WDR27: variants seen among roughly 807,000 people sequenced by gnomAD.
WDR27 encodes the protein WD repeat domain 27.
Under a neutral mutation model 114.4 loss-of-function variants are expected in WDR27, and 100 were observed. That is an observed-to-expected ratio of 0.87 (90% CI 0.74 to 1.03). The LOEUF is 1.03. WDR27 is among the 50% of genes least tolerant of loss of function. WDR27 has a pLI of 0.00. For missense variants in WDR27, 1,129 were observed against 1,092.9 expected, an observed-to-expected ratio of 1.03 and a Z score of -0.47; for synonymous variants, 449 against 423.1, an observed-to-expected ratio of 1.06 and a Z score of -0.75.
intron 25 of WDR27, among the ~76,000 whole-genome samples, chr6:169,552,973 G>GGGGGGT (rs1472592601): frequency 3.2e-5 from 2 of 61,792 alleles, no homozygotes; most frequent in African/African-American, 1.3e-4. Context: ...GGGCCTGCCC[G>GGGGGGT]GTGTGTGTGT....
At chr6:169,548,902 A>G (rs1314562852) in intron 25 of WDR27, among the ~76,000 whole-genome samples, 2 of 152,348 alleles carry the variant, frequency 1.3e-5, no homozygotes, top group East Asian at 3.9e-4. Context: ...ACAAAAGTTA[A>G]CTCATAACTG....
intron 22 of WDR27, among the ~76,000 whole-genome samples, chr6:169,606,096 AAT>A (rs1411713392): frequency 3.3e-5 from 5 of 152,186 alleles, no homozygotes; most frequent in Non-Finnish European, 7.3e-5. Flanking sequence ...CAAAAATAAA[AAT>A]AGACAAATAT....
intron 25 of WDR27, among the ~76,000 whole-genome samples, chr6:169,547,403 G>A (rs1282836578): frequency 1.3e-5 from 2 of 152,154 alleles, no homozygotes; most frequent in Non-Finnish European, 2.9e-5. Context: ...TATTTCTCAT[G>A]TAGACAGATG....
At chr6:169,590,592 A>G (rs774372421) in intron 23 of WDR27, among the ~76,000 whole-genome samples, 3 of 152,260 alleles carry the variant, frequency 2.0e-5, no homozygotes, top group Non-Finnish European at 4.4e-5. Flanking sequence ...CACACCAGCC[A>G]TGGGAGGCGA....
At chr6:169,586,097 T>A (rs1804501993) in intron 23 of WDR27, among the ~76,000 whole-genome samples, 1 of 152,226 alleles carries the variant, frequency 6.6e-6, no homozygotes, top group South Asian at 2.1e-4. Flanking sequence ...TTCTTCCATG[T>A]CTTCTTCCTC....
At chr6:169,623,923 A>C (rs1208843522) in intron 21 of WDR27, among the ~76,000 whole-genome samples, 3 of 152,162 alleles carry the variant, frequency 2.0e-5, no homozygotes, top group Non-Finnish European at 4.4e-5. Context: ...AGCCTGAGCA[A>C]AAAGAAGGTA....
At chr6:169,488,316 G>A (rs1005439404) in intron 25 of WDR27, among the ~76,000 whole-genome samples, 2 of 152,294 alleles carry the variant, frequency 1.3e-5, no homozygotes, top group Middle Eastern at 3.4e-3. Context: ...AGATCTCCAT[G>A]GTGGAAGAGG....
At chr6:169,661,834 G>A (rs1006169544) in intron 9 of WDR27, among the ~76,000 whole-genome samples, 3 of 152,244 alleles carry the variant, frequency 2.0e-5, no homozygotes, top group Non-Finnish European at 4.4e-5. Context: ...GGGAGGAGAA[G>A]TAAACATAAT....
intron 25 of WDR27, among the ~76,000 whole-genome samples, chr6:169,472,206 T>C (rs553269235): frequency 6.6e-6 from 1 of 152,256 alleles, no homozygotes; most frequent in Non-Finnish European, 1.5e-5. Context: ...GAAATAACAA[T>C]AACAGGGCTT....
chr6:169,619,050 C>A lies in WDR27; in HGVS notation c.2224-5394G>T, dbSNP rs117349996. ...TAACACCTCTCATCCAAGAGTACAC[C>A]ACAATGATTCACAAAATATTACAAT... On this transcript the variant is annotated intron_variant, in intron 21 of 25. Coordinates refer to ENST00000448612, the MANE Select transcript of WDR27 (RefSeq NM_182552.5). 1.0e-2 allele frequency among the ~76,000 whole-genome samples: 1,517 copies of A among 152,188 alleles called. 16 individuals are homozygous for A. Among genetic ancestry groups the A allele is most frequent in the Non-Finnish European group, 0.016 (1,110 of 68,022 alleles).
chr6:169,447,693 A>G, the WDR27 span, among the ~76,000 whole-genome samples: 1 of 152,138 alleles, frequency 6.6e-6, no homozygotes, highest in Non-Finnish European at 1.5e-5. Context: ...GTTTCCATCA[A>G]TCTCATTTGT....
At chr6:169,450,699 G>C in the WDR27 span, among the ~76,000 whole-genome samples, 1 of 152,142 alleles carries the variant, frequency 6.6e-6, no homozygotes, top group Non-Finnish European at 1.5e-5. Flanking sequence ...AGTGAGTCTA[G>C]AGACTTCATA....
rs28660085 is a variant in WDR27, at chr6:169,701,900, C to G, written c.-357G>C. The G allele has an allele frequency of 0.32, 109,493 of 338,968 alleles. 24,169 individuals are homozygous for G. The highest frequency in any genetic ancestry group is 0.92 in the East Asian group (9,756 of 10,578). The allele number at this position is 338,968 out of a possible 1,614,324, so 21.0% of individuals were successfully genotyped here. A position where few individuals can be genotyped will look rare whatever the true frequency, so the allele number is the denominator to read the frequency against. ...GTTCGGCGCCGACTCCGCGCCGAGA[C>G]CAGCCCGCTAGGGGAGGACTCACAG... On this transcript the variant is annotated 5_prime_UTR_variant, in exon 1 of 26. Transcript: ENST00000448612.
intron 14 of WDR27, 105 bp from the exon 15 acceptor site, chr6:169,649,380 G>C (rs185601810): frequency 2.6e-5 from 26 of 990,580 alleles, no homozygotes; most frequent in Non-Finnish European, 4.0e-5. Context: ...AGATATAGAC[G>C]TCTGCATAAA....
chr6:169,586,515 C>G (rs1373471137), intron 23 of WDR27, among the ~76,000 whole-genome samples: 1 of 152,026 alleles, frequency 6.6e-6, no homozygotes, highest in African/African-American at 2.4e-5. Flanking sequence ...GTGTTAAACT[C>G]ATTGGGTTCT....
chr6:169,531,775 T>A (rs1244806843), intron 25 of WDR27, among the ~76,000 whole-genome samples: 2 of 151,486 alleles, frequency 1.3e-5, no homozygotes, highest in Admixed American at 6.6e-5. Flanking sequence ...TGCCTCAGCC[T>A]CCCAAGTAGC....
At chr6:169,457,715 G>T in intron 25 of WDR27, 81 bp from the exon 26 acceptor site, 1 of 1,110,212 alleles carries the variant, frequency 9.0e-7, no homozygotes, top group Non-Finnish European at 1.3e-6. Context: ...AGCCCAAAGT[G>T]TGTTATTTTC....
chr6:169,581,192 T>C (rs73790034), intron 24 of WDR27, among the ~76,000 whole-genome samples: 7,671 of 152,052 alleles, frequency 0.05, 539 homozygotes, highest in African/African-American at 0.16. Flanking sequence ...TACCCAACCT[T>C]TTTCTCACTG....
chr6:169,638,613 A>G lies in WDR27; in HGVS notation c.1795T>C (p.Trp599Arg). 4 of 1,607,726 alleles carry G rather than the reference A, an allele frequency of 2.5e-6. No individual in the cohort carries two copies. Among genetic ancestry groups the G allele is most frequent in the Non-Finnish European group, 3.4e-6 (4 of 1,177,362 alleles). The change falls in exon 18 of 26, where the codon TGG becomes CGG. Residue 599 changes from tryptophan to arginine, a missense_variant. Coordinates refer to ENST00000448612, the MANE Select transcript of WDR27 (RefSeq NM_182552.5). Reference protein sequence around the residue: ...NAVCWSQDRRWLLSAARDGTL... With the variant: ...NAVCWSQDRRRLLSAARDGTL... ...CCGTCCCGGGCCGCAGAGAGCAGCCACCTCCGGTCCTGGCTCCAGCACACG... is the reference window on the plus strand; with the variant it reads ...CCGTCCCGGGCCGCAGAGAGCAGCCGCCTCCGGTCCTGGCTCCAGCACACG...
Sources: allele counts gnomAD v4.1 joint callset (sites outside exome capture counted in the v4.1 genomes callset), GRCh38; gene constraint gnomAD v4.1.1; transcripts MANE v1.5; gene names NCBI Gene and HGNC (gene_info 2026-07-23, HGNC 2026-07-21).